Variants in TAF1 observed in about 807,000 individuals in gnomAD.
TAF1 encodes TATA-box binding protein associated factor 1.
Under a neutral mutation model 138.5 loss-of-function variants are expected in TAF1, and 2 were observed. The ratio of observed to expected loss-of-function variants is 0.01; its 90% CI spans 0.01 to 0.05. The LOEUF is 0.05. TAF1 is among the 10% of genes least tolerant of loss of function. TAF1 has a pLI of 1.00. For missense variants in TAF1, 709 were observed against 1,478.0 expected (o/e 0.48, Z 8.53); for synonymous variants, 437 against 503.2 (o/e 0.87, Z 1.76).
At chrX:71,488,821 C>T (rs1242453724) in intron 13 of TAF1, among the ~76,000 whole-genome samples, 2 of 110,226 alleles carry the variant, frequency 1.8e-5, no homozygotes, top group Admixed American at 1.9e-4. Flanking sequence ...AATCCCAGCA[C>T]TTTGGGAGGC....
Position 71,379,104 on chromosome X carries a change from G to GTTTTTTTTTTT in TAF1, c.1360+73_1360+74insTTTTTTTTTTT, listed in dbSNP as rs2033681489. ...AGTCACCATAAGTGGGCTCAGCTGT[G>GTTTTTTTTTTT]ATTTTTTTTTTTTTTTTTTTTTTTC... On this transcript the variant is annotated intron_variant, in intron 8 of 37. Coordinates refer to ENST00000423759, the MANE Select transcript of TAF1 (RefSeq NM_004606.5). 11 of 370,399 alleles carry GTTTTTTTTTTT rather than the reference G, an allele frequency of 3.0e-5. No homozygotes were observed. The African/African-American group carries it at 3.1e-4, about 10-fold the overall frequency. 30.5% of individuals were successfully genotyped at this position (370,399 alleles called of 1,213,427 possible). A position where few individuals can be genotyped will look rare whatever the true frequency, so the allele number is the denominator to read the frequency against.
chrX:71,508,961 C>G (rs1340145469), intron 13 of TAF1, among the ~76,000 whole-genome samples: 1 of 109,207 alleles, frequency 9.2e-6, no homozygotes, highest in Non-Finnish European at 1.9e-5. Context: ...AGCGTGCCAC[C>G]ACAGCCAATT....
rs376381246 is a variant in TAF1, at chrX:71,406,624, T to C, written c.3999-14T>C. The C allele has an allele frequency of 2.5e-6, 3 of 1,196,417 alleles. No individual in the cohort carries two copies. Among genetic ancestry groups the C allele is most frequent in the Admixed American group, 2.2e-5 (1 of 45,129 alleles). Reference sequence around the variant, plus strand: ...AAATAGGGGCTGTATCTAACTAAAGTGTTTTGATTTTAGTGCGGATGAGGT... The same window carrying C: ...AAATAGGGGCTGTATCTAACTAAAGCGTTTTGATTTTAGTGCGGATGAGGT... On this transcript the variant is annotated splice_polypyrimidine_tract_variant and intron_variant, in intron 25 of 37. Coordinates refer to ENST00000423759, the MANE Select transcript of TAF1 (RefSeq NM_004606.5).
In TAF1 at chrX:71,378,869, G is replaced by A. The variant is rs772284959; in HGVS notation, c.1198G>A (p.Asp400Asn). The A allele has an allele frequency of 5.0e-6, 6 of 1,211,685 alleles. No individual in the cohort carries two copies. The highest frequency in any genetic ancestry group is 6.7e-6 in the Non-Finnish European group (6 of 895,565). The change falls in exon 8 of 38, where the codon GAT becomes AAT. Residue 400 changes from aspartate to asparagine, a missense_variant. Transcript: ENST00000423759. Reference protein sequence around the residue: ...EENNGTDLLADENFLMVTQLH... With the variant: ...EENNGTDLLANENFLMVTQLH... The stretch of plus-strand genomic sequence containing the variant: ...AAACAATGGCACTGATCTTCTGGCT[G>A]ATGAAAACTTCCTGATGGTGACACA...
chrX:71,439,654 A>C (rs1293803666), intron 32 of TAF1, among the ~76,000 whole-genome samples: 1 of 112,319 alleles, frequency 8.9e-6, no homozygotes, highest in Non-Finnish European at 1.9e-5. Flanking sequence ...CTCTCAGCAC[A>C]CTGCCTATAG....
At position 71,389,576 on chromosome X, in the gene TAF1, C is replaced by A; in HGVS notation, c.2701-9C>A. On this transcript the variant is annotated splice_polypyrimidine_tract_variant and intron_variant, in intron 17 of 37. Transcript: ENST00000423759. ...TGACTGATTTATGCATGGATCTGTC[C>A]TCTTCCAGGATGCTGGCTATGGTGA... The A allele has an allele frequency of 8.4e-7, 1 of 1,195,943 alleles. No homozygotes were observed. The highest frequency in any genetic ancestry group is 1.1e-6 in the Non-Finnish European group (1 of 889,044).
chrX:71,528,722 C>T (rs886551755), exon 14 of TAF1: 34 of 327,474 alleles, frequency 1.0e-4, no homozygotes, highest in African/African-American at 7.2e-4. Context: ...CGTGGACCTT[C>T]GCGGTGAGTG....
intron 28 of TAF1, among the ~76,000 whole-genome samples, chrX:71,409,420 C>T (rs193069242): frequency 9.7e-4 from 108 of 111,325 alleles, no homozygotes; most frequent in Admixed American, 3.1e-3. Flanking sequence ...TGAGCCATTG[C>T]GCCTGGCCTG....
At chrX:71,506,044 T>TA (rs2147592984) in intron 13 of TAF1, among the ~76,000 whole-genome samples, 1 of 98,440 alleles carries the variant, frequency 1.0e-5, no homozygotes, top group South Asian at 4.9e-4. Flanking sequence ...TAATAATTTT[T>TA]AAAAAATTAG....
chrX:71,377,213 C>T (rs369141910), intron 5 of TAF1, 22 bp downstream of exon 5: 506 of 1,206,979 alleles, frequency 4.2e-4, no homozygotes, highest in Non-Finnish European at 5.5e-4. Context: ...GGAGAATGCT[C>T]AGATTGCAAA....
At chrX:71,469,074 G>A (rs746974124), downstream of TAF1, among the ~76,000 whole-genome samples, 7 of 112,730 alleles carry the variant, frequency 6.2e-5, no homozygotes, top group African/African-American at 1.9e-4. Flanking sequence ...AGGCCAAGGC[G>A]GGAGGATGGC....
intron 24 of TAF1, among the ~76,000 whole-genome samples, chrX:71,399,232 G>A (rs1179277346): frequency 9.5e-6 from 1 of 104,989 alleles, no homozygotes; most frequent in Non-Finnish European, 1.9e-5. Context: ...GAGCCACCAT[G>A]CCCGGCTTGT....
intron 26 of TAF1, 52 bp downstream of exon 26, chrX:71,406,798 C>T: frequency 9.5e-7 from 1 of 1,048,858 alleles, no homozygotes; most frequent in Non-Finnish European, 1.3e-6. Context: ...ATTGATTCCC[C>T]AGCCCTGTAT....
chrX:71,488,637 A>C (rs1247131241), intron 13 of TAF1, among the ~76,000 whole-genome samples: 3 of 111,003 alleles, frequency 2.7e-5, no homozygotes, highest in South Asian at 7.6e-4. Flanking sequence ...TGTCCAGTGA[A>C]CTTTAGCTAC....
chrX:71,501,062 C>G (rs1185683514), intron 13 of TAF1, among the ~76,000 whole-genome samples: 1 of 74,315 alleles, frequency 1.3e-5, no homozygotes, highest in Non-Finnish European at 2.6e-5. Context: ...AGACTTCTCT[C>G]AAAAAAAAAA....
chrX:71,467,431 A>G (rs971271509), downstream of TAF1, among the ~76,000 whole-genome samples: 3 of 111,305 alleles, frequency 2.7e-5, no homozygotes, highest in African/African-American at 9.8e-5. Flanking sequence ...TAAAGAGGCC[A>G]GTTTTTCTTG....
chrX:71,481,759 G>A (rs1361862059), intron 13 of TAF1, among the ~76,000 whole-genome samples: 1 of 110,897 alleles, frequency 9.0e-6, no homozygotes, highest in South Asian at 3.8e-4. Flanking sequence ...GGGTCTCACC[G>A]TGTTAGCCAG....
chrX:71,527,603 A>G (rs1247850965), intron 13 of TAF1, among the ~76,000 whole-genome samples: 1 of 111,195 alleles, frequency 9.0e-6, no homozygotes, highest in Non-Finnish European at 1.9e-5. Context: ...TCACACTTCT[A>G]AGAACTCAAG....
rs183677732 is a variant in TAF1, at chrX:71,416,619, A to C, written c.4385-4690A>C. 7.0e-3 allele frequency: 2,178 copies of C among 312,124 alleles called. 122 individuals are homozygous for C. The East Asian group carries it at 0.087, about 13-fold the overall frequency. The allele number at this position is 312,124 out of a possible 1,213,427, so 25.7% of individuals were successfully genotyped here. A position where few individuals can be genotyped will look rare whatever the true frequency, so the allele number is the denominator to read the frequency against. On this transcript the variant is annotated intron_variant, in intron 28 of 37. Coordinates refer to ENST00000423759, the MANE Select transcript of TAF1 (RefSeq NM_004606.5). ...TCAGCCGGTTCTTTTTCCATCTAGG[A>C]ATAGGCATAAGGATCAAACACACAA...
Sources: gnomAD v4.1 joint callset for allele counts (sites outside exome capture counted in the v4.1 genomes callset) on GRCh38, gnomAD v4.1.1 for gene constraint, MANE v1.5 for transcripts, NCBI Gene and HGNC (gene_info 2026-07-23, HGNC 2026-07-21) for gene names.